PTGFRN: variants seen among roughly 807,000 people sequenced by gnomAD.
PTGFRN encodes prostaglandin F2 receptor negative regulator.
Under a neutral mutation model 83.2 loss-of-function variants are expected in PTGFRN, and 35 were observed. The ratio of observed to expected loss-of-function variants is 0.42; its 90% CI spans 0.32 to 0.56. PTGFRN has a LOEUF of 0.56. Ranked by LOEUF, PTGFRN falls within the 20% of genes least tolerant of loss-of-function variation. The pLI, the probability that PTGFRN is intolerant of heterozygous loss-of-function variation, is 0.11. For synonymous variants in PTGFRN, 519 were observed against 498.6 expected, an observed-to-expected ratio of 1.04 and a Z score of -0.55; for missense variants, 1,051 against 1,179.5, an observed-to-expected ratio of 0.89 and a Z score of 1.60.
In PTGFRN at chr1:116,988,583, A is replaced by G. The variant is rs1344239320; in HGVS notation, c.*1616A>G. 6.5e-6 allele frequency: 1 copy of G among 152,690 alleles called. No individual in the cohort carries two copies. The highest frequency in any genetic ancestry group is 1.5e-5 in the Non-Finnish European group (1 of 68,062). 9.5% of individuals were successfully genotyped at this position (152,690 alleles called of 1,614,324 possible). On this transcript the variant is annotated 3_prime_UTR_variant, in exon 9 of 9. Coordinates refer to ENST00000393203, the MANE Select transcript of PTGFRN (RefSeq NM_020440.4). ...AAAAAAAGATTCATTTGTTTTGAGC[A>G]ATAAACTAATACAAAATGATGGCCA... is the stretch of plus-strand genomic sequence containing the variant.
intron 5 of PTGFRN, among the ~76,000 whole-genome samples, chr1:116,964,231 T>G (rs182369172): frequency 0.014 from 2,105 of 152,294 alleles, 55 homozygotes; most frequent in African/African-American, 0.048. Flanking sequence ...TTCCATTCTC[T>G]CTGGTACCTA....
intron 7 of PTGFRN, among the ~76,000 whole-genome samples, chr1:116,974,896 C>T (rs1044955901): frequency 6.6e-6 from 1 of 152,114 alleles, no homozygotes; most frequent in East Asian, 1.9e-4. Context: ...TAGGTACAGC[C>T]CACCGAGCGT....
chr1:116,983,749 G>A (rs149691299), intron 7 of PTGFRN, among the ~76,000 whole-genome samples: 1 of 152,010 alleles, frequency 6.6e-6, no homozygotes, highest in East Asian at 1.9e-4. Context: ...TCTCTTGTTC[G>A]GCAAAAAATT....
intron 2 of PTGFRN, among the ~76,000 whole-genome samples, chr1:116,942,379 G>A (rs182485986): frequency 6.8e-4 from 103 of 152,272 alleles, no homozygotes; most frequent in African/African-American, 2.0e-3. Flanking sequence ...TGGAGAGCTG[G>A]CTCTGGAGCC....
chr1:116,947,799 G>A (rs1650238664), intron 3 of PTGFRN, among the ~76,000 whole-genome samples: 1 of 152,266 alleles, frequency 6.6e-6, no homozygotes, highest in South Asian at 2.1e-4. Flanking sequence ...TCCATACTTA[G>A]TCCTCACAAA....
In PTGFRN at chr1:116,961,748, C is replaced by A; in HGVS notation, c.1639+80C>A. ...CGCTGTGTGTTGATGCACAGTCACCCTCTGCAGGTTATCACTTACACTAGG... is the reference window on the plus strand; with the variant it reads ...CGCTGTGTGTTGATGCACAGTCACCATCTGCAGGTTATCACTTACACTAGG... On this transcript the variant is annotated intron_variant, in intron 5 of 8. Transcript: ENST00000393203. This position sits in a 1 kb window ranked among gnomAD's most constrained non-coding sequence, Gnocchi z 5.4. The A allele has an allele frequency of 7.5e-7, 1 of 1,325,180 alleles. No homozygotes were observed. Among genetic ancestry groups the A allele is most frequent in the Non-Finnish European group, 1.0e-6 (1 of 968,850 alleles). The allele number at this position is 1,325,180 out of a possible 1,614,324, so 82.1% of individuals were successfully genotyped here. A position where few individuals can be genotyped will look rare whatever the true frequency, so the allele number is the denominator to read the frequency against.
At chr1:116,956,139 T>G (rs1186347947) in intron 4 of PTGFRN, among the ~76,000 whole-genome samples, 1 of 152,194 alleles carries the variant, frequency 6.6e-6, no homozygotes, top group Non-Finnish European at 1.5e-5. Context: ...TCTGACATGG[T>G]GGAATCATAT....
chr1:116,929,908 C>T lies in PTGFRN; in HGVS notation c.50-11807C>T, dbSNP rs142776575. On this transcript the variant is annotated intron_variant, in intron 1 of 8. Coordinates refer to ENST00000393203, the MANE Select transcript of PTGFRN (RefSeq NM_020440.4). ...TCTTCCCTACATCTTTGTTCCTTCT[C>T]TCCTGGCTCTTACTTTCCAGATCCC... 1.4e-3 allele frequency among the ~76,000 whole-genome samples: 208 copies of T among 152,318 alleles called. 2 individuals carry two copies. Among genetic ancestry groups the T allele is most frequent in the Non-Finnish European group, 1.2e-3 (82 of 68,036 alleles).
Position 116,944,867 on chromosome 1 carries a change from G to C in PTGFRN, c.607G>C (p.Gly203Arg). The change falls in exon 3 of 9, where the codon GGC (glycine) becomes CGC (arginine). Residue 203 changes from glycine (G) to arginine (R), a missense_variant. Gly to Arg is a moderately radical substitution (Grantham distance 125, BLOSUM62 -2). Transcript: ENST00000393203. Reference sequence around the variant, plus strand: ...GAGCGTCCTCGCCCTGACCCACGAGGGCAGGTTCCACCCGGGCCTGGGGTA... The same window carrying C: ...GAGCGTCCTCGCCCTGACCCACGAGCGCAGGTTCCACCCGGGCCTGGGGTA... ...RRSVLALTHE[G>R]RFHPGLGYEQ... The C allele has an allele frequency of 6.2e-7, 1 of 1,606,176 alleles. No individual in the cohort carries two copies.
intron 1 of PTGFRN, among the ~76,000 whole-genome samples, chr1:116,938,756 A>C (rs1649983493): frequency 6.6e-6 from 1 of 152,236 alleles, no homozygotes; most frequent in African/African-American, 2.4e-5. Context: ...CACAGTTCAA[A>C]GTCTCATTTG....
At chr1:116,910,346 C>G (rs1335476621) in intron 1 of PTGFRN, 94 bp downstream of exon 1, 251 of 1,131,082 alleles carry the variant, frequency 2.2e-4, no homozygotes, top group Non-Finnish European at 4.8e-5. Flanking sequence ...CCTGGGGCGC[C>G]GAGGGTGCCC....
intron 7 of PTGFRN, among the ~76,000 whole-genome samples, chr1:116,978,619 A>G (rs1651225402): frequency 6.6e-6 from 1 of 152,172 alleles, no homozygotes; most frequent in South Asian, 2.1e-4. Flanking sequence ...CAAAGACAAA[A>G]ACCACATGAT....
At chr1:116,912,868 A>G (rs1373056672) in intron 1 of PTGFRN, among the ~76,000 whole-genome samples, 3 of 152,124 alleles carry the variant, frequency 2.0e-5, no homozygotes, top group African/African-American at 4.8e-5. Context: ...TTGCCTGCGT[A>G]TTAATATTTC....
intron 4 of PTGFRN, among the ~76,000 whole-genome samples, chr1:116,959,874 G>A (rs1482061605): frequency 6.6e-6 from 1 of 152,004 alleles, no homozygotes; most frequent in Non-Finnish European, 1.5e-5. Context: ...TATTTGGTTG[G>A]CTGAAGCATG....
chr1:116,931,496 CTTTT>C (rs10597434), intron 1 of PTGFRN, among the ~76,000 whole-genome samples: 11 of 132,946 alleles, frequency 8.3e-5, no homozygotes, highest in African/African-American at 1.6e-4. Context: ...TGAACTTTTT[CTTTT>C]TTTTTTTTTT....
At chr1:116,951,720 A>G (rs376443065) in intron 4 of PTGFRN, among the ~76,000 whole-genome samples, 1 of 151,884 alleles carries the variant, frequency 6.6e-6, no homozygotes, top group East Asian at 1.9e-4. Flanking sequence ...GACTCAGACC[A>G]TTACAGCTGC....
At chr1:116,919,545 C>T (rs1256931942) in intron 1 of PTGFRN, among the ~76,000 whole-genome samples, 2 of 152,172 alleles carry the variant, frequency 1.3e-5, no homozygotes, top group Admixed American at 6.5e-5. Flanking sequence ...CCAGCTAATG[C>T]ACTTTCCATA....
At chr1:116,957,412 G>A (rs180980686) in intron 4 of PTGFRN, among the ~76,000 whole-genome samples, 1 of 152,136 alleles carries the variant, frequency 6.6e-6, no homozygotes, top group East Asian at 1.9e-4. Flanking sequence ...ATTGGCACAG[G>A]AGCTAGTTTT....
chr1:116,985,657 G>T (rs12065518), intron 8 of PTGFRN, among the ~76,000 whole-genome samples: 1 of 150,606 alleles, frequency 6.6e-6, no homozygotes, highest in African/African-American at 2.5e-5. Context: ...GCAGTGAGCC[G>T]AGATCGCACC....
Sources: gnomAD v4.1 joint callset for allele counts (sites outside exome capture counted in the v4.1 genomes callset) on GRCh38, gnomAD v4.1.1 for gene constraint, Gnocchi (gnomAD v3.1) non-coding constraint, MANE v1.5 for transcripts, NCBI Gene and HGNC (gene_info 2026-07-23, HGNC 2026-07-21) for gene names.